The following ERBB4 variants were observed in gnomAD, a reference collection of about 807,000 sequenced individuals.
The protein encoded by ERBB4 is receptor tyrosine-protein kinase erbB-4.
Under a neutral mutation model 158.0 loss-of-function variants are expected in ERBB4, and 42 were observed. The observed-to-expected ratio is 0.27, with a 90% confidence interval of 0.21 to 0.34. The LOEUF (loss-of-function observed/expected upper bound fraction) is 0.34, where lower values mean the gene tolerates loss of function less well. Ranked by LOEUF, ERBB4 falls within the 10% of genes least tolerant of loss-of-function variation. The pLI is 1.00. For missense variants in ERBB4, 1,333 were observed against 1,624.1 expected, an observed-to-expected ratio of 0.82 and a Z score of 3.08; for synonymous variants, 583 against 558.7, an observed-to-expected ratio of 1.04 and a Z score of -0.61.
At chr2:211,855,069 CTTTAA>C (rs2077820950) in intron 3 of ERBB4, among the ~76,000 whole-genome samples, 1 of 143,796 alleles carries the variant, frequency 7.0e-6, no homozygotes, top group East Asian at 2.0e-4. Flanking sequence ...TACACTCTTA[CTTTAA>C]TTTGCTTTTT....
chr2:212,040,727 C>A (rs899658509), intron 2 of ERBB4, among the ~76,000 whole-genome samples: 5 of 152,030 alleles, frequency 3.3e-5, no homozygotes, highest in African/African-American at 1.2e-4. Flanking sequence ...CTGTGAACTT[C>A]TGATTTTGGC....
chr2:212,029,018 T>C (rs1456399788), intron 2 of ERBB4, among the ~76,000 whole-genome samples: 1 of 152,046 alleles, frequency 6.6e-6, no homozygotes, highest in East Asian at 1.9e-4. Flanking sequence ...CAGTGCACGA[T>C]GTAAGTTTAC....
At chr2:211,628,856 G>A (rs1413674381) in intron 17 of ERBB4, among the ~76,000 whole-genome samples, 3 of 151,990 alleles carry the variant, frequency 2.0e-5, no homozygotes, top group South Asian at 2.1e-4. Context: ...TTTAATGATC[G>A]CCATTCTAAC....
chr2:211,393,938 TTGC>T (rs1355016825), intron 25 of ERBB4, among the ~76,000 whole-genome samples: 33 of 152,158 alleles, frequency 2.2e-4, no homozygotes, highest in African/African-American at 7.5e-4. Flanking sequence ...GACAGCACTC[TTGC>T]TTATGGATTT....
intron 2 of ERBB4, among the ~76,000 whole-genome samples, chr2:211,979,833 T>C (rs1040795061): frequency 2.6e-5 from 4 of 152,152 alleles, no homozygotes; most frequent in African/African-American, 9.6e-5. Flanking sequence ...AATCCCTAAC[T>C]CAATAATGTT....
chr2:211,847,552 C>T (rs10804201), intron 3 of ERBB4, among the ~76,000 whole-genome samples: 33,017 of 152,110 alleles, frequency 0.22, 3,719 homozygotes, highest in South Asian at 0.32. Context: ...GTCCAACCTG[C>T]AGTCCACAGG....
chr2:211,802,796 G>T (rs1280600546), intron 3 of ERBB4, among the ~76,000 whole-genome samples: 2 of 152,178 alleles, frequency 1.3e-5, no homozygotes, highest in East Asian at 3.9e-4. Flanking sequence ...TAATTAATTA[G>T]CTAAGTGGAG....
At chr2:211,617,913 T>C (rs1265799861) in intron 19 of ERBB4, among the ~76,000 whole-genome samples, 1 of 152,100 alleles carries the variant, frequency 6.6e-6, no homozygotes, top group Non-Finnish European at 1.5e-5. Flanking sequence ...TGGTCTTTGA[T>C]AGAACCCCTG....
At chr2:211,427,493 T>A (rs1289472944) in intron 22 of ERBB4, among the ~76,000 whole-genome samples, 1 of 152,146 alleles carries the variant, frequency 6.6e-6, no homozygotes, top group Admixed American at 6.5e-5. Flanking sequence ...ATAAAATAAA[T>A]GTTCTAATTA....
intron 1 of ERBB4, among the ~76,000 whole-genome samples, chr2:212,269,531 C>T (rs2085269332): frequency 6.6e-6 from 1 of 151,614 alleles, no homozygotes; most frequent in African/African-American, 2.4e-5. Flanking sequence ...GACTTTTGCC[C>T]TTAGATATTA....
intron 20 of ERBB4, among the ~76,000 whole-genome samples, chr2:211,445,627 G>C (rs1393672334): frequency 6.6e-6 from 1 of 152,080 alleles, no homozygotes; most frequent in Non-Finnish European, 1.5e-5. Flanking sequence ...GATAACAGAA[G>C]GGGGACCTTT....
intron 8 of ERBB4, 124 bp from the exon 9 acceptor site, chr2:211,712,300 T>G (rs2073730690): frequency 9.9e-7 from 1 of 1,011,552 alleles, no homozygotes; most frequent in Non-Finnish European, 1.5e-6. Context: ...ATTACAAATT[T>G]TGTTTTCTAA....
chr2:212,327,512 C>A (rs1488726513), intron 1 of ERBB4, among the ~76,000 whole-genome samples: 1 of 151,698 alleles, frequency 6.6e-6, no homozygotes, highest in African/African-American at 2.4e-5. Context: ...CTCAAGGCAG[C>A]TCCAGATCTA....
chr2:211,591,814 A>G (rs894577275), intron 19 of ERBB4, among the ~76,000 whole-genome samples: 11 of 152,186 alleles, frequency 7.2e-5, no homozygotes, highest in African/African-American at 2.2e-4. Flanking sequence ...ATCCTGCCTG[A>G]AATATAAAAA....
At chr2:212,279,166 G>A (rs1033169200) in intron 1 of ERBB4, among the ~76,000 whole-genome samples, 20 of 151,400 alleles carry the variant, frequency 1.3e-4, no homozygotes, top group African/African-American at 4.8e-4. Flanking sequence ...TAGAATTAAT[G>A]AAATTTCTCT....
intron 3 of ERBB4, among the ~76,000 whole-genome samples, chr2:211,838,719 A>G (rs1020127): frequency 1 from 151,791 of 152,222 alleles, 75,697 homozygotes; most frequent in Middle Eastern, 1. Flanking sequence ...AACATTTTAT[A>G]GTTTAAAAAT....
chr2:211,538,640 C>T (rs930722498), intron 20 of ERBB4, among the ~76,000 whole-genome samples: 4 of 151,782 alleles, frequency 2.6e-5, no homozygotes, highest in Non-Finnish European at 5.9e-5. Flanking sequence ...TACAGTAAGT[C>T]CCGTAATCCT....
At chr2:212,092,227 CAT>C (rs1430975935) in intron 2 of ERBB4, among the ~76,000 whole-genome samples, 1 of 152,140 alleles carries the variant, frequency 6.6e-6, no homozygotes, top group Non-Finnish European at 1.5e-5. Context: ...GGGAATTATA[CAT>C]AGTTATTAGA....
intron 2 of ERBB4, among the ~76,000 whole-genome samples, chr2:212,033,614 A>G (rs2076950717): frequency 6.6e-6 from 1 of 151,904 alleles, no homozygotes; most frequent in South Asian, 2.1e-4. Context: ...ACTTTGATCC[A>G]GGAAATTGTA....
Sources: allele counts gnomAD v4.1 joint callset (sites outside exome capture counted in the v4.1 genomes callset), GRCh38; gene constraint gnomAD v4.1.1; transcripts MANE v1.5; gene names NCBI Gene and HGNC (gene_info 2026-07-23, HGNC 2026-07-21).